RAB31: variants seen among roughly 807,000 people sequenced by gnomAD.
RAB31 encodes the protein ras-related protein Rab-31.
RAB31 carries 21 observed loss-of-function variants against 25.6 expected under a neutral mutation model. That is an observed-to-expected ratio of 0.82 (90% CI 0.58 to 1.18). RAB31 has a LOEUF of 1.18. Among genes scored for constraint, RAB31 ranks in the 50% most tolerant of loss-of-function variants. The probability of loss-of-function intolerance (pLI) is 0.00; values close to 1 mark genes in which losing one functional copy is unlikely to be tolerated. For synonymous variants in RAB31, 87 were observed against 84.0 expected, an observed-to-expected ratio of 1.04 and a Z score of -0.20; for missense variants, 196 against 250.1, an observed-to-expected ratio of 0.78 and a Z score of 1.46.
intron 6 of RAB31, among the ~76,000 whole-genome samples, chr18:9,853,963 CTTTTT>C (rs11376519): frequency 1.3e-4 from 17 of 130,848 alleles, no homozygotes; most frequent in Non-Finnish European, 2.5e-4. Flanking sequence ...CTTTTCTTTT[CTTTTT>C]TTTTTTTTTT....
rs560097703 is a variant in RAB31, at chr18:9,772,260, G to T, written c.40-3018G>T. ...CCTCAGCCCTGTGCCCCAGGGGCAC[G>T]TGAGGGAACTGAGCAAGCACCTGCA... On this transcript the variant is annotated intron_variant, in intron 1 of 6. Coordinates refer to ENST00000578921, the MANE Select transcript of RAB31 (RefSeq NM_006868.4). Among the ~76,000 whole-genome samples, 4 of 151,888 alleles carry T rather than the reference G, an allele frequency of 2.6e-5. No individual in the cohort carries two copies. In the South Asian group the frequency reaches 8.3e-4, roughly 32 times the overall value.
intron 5 of RAB31, among the ~76,000 whole-genome samples, chr18:9,818,347 G>C (rs1351235266): frequency 6.6e-6 from 1 of 152,134 alleles, no homozygotes; most frequent in Non-Finnish European, 1.5e-5. Context: ...TGTGAAGAAC[G>C]TCATGCCCAT....
chr18:9,742,729 CCTT>C (rs1486451303), intron 1 of RAB31, among the ~76,000 whole-genome samples: 3 of 152,276 alleles, frequency 2.0e-5, no homozygotes, highest in Admixed American at 1.3e-4. Flanking sequence ...GGAATGAAAT[CCTT>C]CTCTTTTACT....
intron 6 of RAB31, among the ~76,000 whole-genome samples, chr18:9,848,437 C>T (rs960083434): frequency 7.9e-5 from 12 of 152,134 alleles, no homozygotes; most frequent in African/African-American, 2.7e-4. Context: ...TCCATCTGTC[C>T]GCCTGTCTAT....
intron 1 of RAB31, among the ~76,000 whole-genome samples, chr18:9,724,270 CAA>C (rs762384582): frequency 3.1e-4 from 11 of 35,750 alleles, no homozygotes; most frequent in Admixed American, 5.8e-4. Flanking sequence ...GACTCCGTCT[CAA>C]AAAAAAAAAA....
chr18:9,853,963 C>CT (rs11376519), intron 6 of RAB31, among the ~76,000 whole-genome samples: 64,533 of 130,632 alleles, frequency 0.49, 16,006 homozygotes, highest in South Asian at 0.7. Context: ...CTTTTCTTTT[C>CT]TTTTTTTTTT....
intron 6 of RAB31, among the ~76,000 whole-genome samples, chr18:9,846,211 G>A (rs544199726): frequency 6.6e-6 from 1 of 152,294 alleles, no homozygotes; most frequent in East Asian, 1.9e-4. Flanking sequence ...AATTAGGGAG[G>A]GTGACAGCCT....
At chr18:9,767,476 G>A (rs1442827228) in intron 1 of RAB31, among the ~76,000 whole-genome samples, 1 of 152,226 alleles carries the variant, frequency 6.6e-6, no homozygotes, top group East Asian at 1.9e-4. Flanking sequence ...TAGTAAAGGA[G>A]TCAGTAGGAG....
At chr18:9,808,430 C>T (rs982976760) in intron 3 of RAB31, among the ~76,000 whole-genome samples, 1 of 152,186 alleles carries the variant, frequency 6.6e-6, no homozygotes, top group African/African-American at 2.4e-5. Context: ...GGTTTTAGGA[C>T]ATCTGAGTAG....
intron 1 of RAB31, among the ~76,000 whole-genome samples, chr18:9,744,180 C>T (rs1452066149): frequency 6.6e-6 from 1 of 152,196 alleles, no homozygotes; most frequent in African/African-American, 2.4e-5. Flanking sequence ...CAGTGGAAAA[C>T]TATGCATTGT....
chr18:9,752,927 C>G (rs2068242824), intron 1 of RAB31, among the ~76,000 whole-genome samples: 1 of 152,150 alleles, frequency 6.6e-6, no homozygotes, highest in Non-Finnish European at 1.5e-5. Flanking sequence ...TAAACACATA[C>G]TACACATTTT....
At chr18:9,811,763 A>G (rs1205356727) in intron 3 of RAB31, among the ~76,000 whole-genome samples, 1 of 152,224 alleles carries the variant, frequency 6.6e-6, no homozygotes, top group Admixed American at 6.5e-5. Flanking sequence ...ATGATAAATT[A>G]ACCACATAAT....
At chr18:9,807,103 G>C (rs1029732508) in intron 3 of RAB31, among the ~76,000 whole-genome samples, 2 of 152,218 alleles carry the variant, frequency 1.3e-5, no homozygotes, top group African/African-American at 2.4e-5. Flanking sequence ...GGCTGCGTGA[G>C]AGCTGGGGCT....
chr18:9,787,645 C>T (rs1281083383), intron 2 of RAB31: 1 of 156,838 alleles, frequency 6.4e-6, no homozygotes, highest in Non-Finnish European at 1.4e-5. Context: ...TCACTTCTCC[C>T]ACAACATCCA....
chr18:9,762,071 G>A (rs2068292023), intron 1 of RAB31, among the ~76,000 whole-genome samples: 1 of 152,148 alleles, frequency 6.6e-6, no homozygotes. Context: ...GCCTCCCAAA[G>A]TGCTAGGATT....
intron 5 of RAB31, among the ~76,000 whole-genome samples, chr18:9,839,010 C>G (rs1474163287): frequency 1.3e-5 from 2 of 152,196 alleles, no homozygotes. Flanking sequence ...CAGATGCTTA[C>G]TGATTGCCTC....
intron 1 of RAB31, among the ~76,000 whole-genome samples, chr18:9,745,380 A>G (rs1412511055): frequency 1.3e-5 from 2 of 152,228 alleles, no homozygotes; most frequent in African/African-American, 4.8e-5. Flanking sequence ...AAGAAGCATA[A>G]CATCAGTTGC....
intron 5 of RAB31, among the ~76,000 whole-genome samples, chr18:9,834,845 A>C (rs1352620449): frequency 1.3e-5 from 2 of 152,224 alleles, no homozygotes; most frequent in African/African-American, 4.8e-5. Flanking sequence ...CATACTGCCC[A>C]GAAGTTTCAG....
chr18:9,807,453 A>G (rs2068547687), intron 3 of RAB31, among the ~76,000 whole-genome samples: 1 of 152,158 alleles, frequency 6.6e-6, no homozygotes, highest in African/African-American at 2.4e-5. Flanking sequence ...GTGGCTGTGT[A>G]TGATGCGAAT....
Sources: gnomAD v4.1 joint callset for allele counts (sites outside exome capture counted in the v4.1 genomes callset) on GRCh38, gnomAD v4.1.1 for gene constraint, MANE v1.5 for transcripts, NCBI Gene and HGNC (gene_info 2026-07-23, HGNC 2026-07-21) for gene names.